Variants in FOXRED1 observed in about 807,000 individuals in gnomAD.
FOXRED1 encodes FAD dependent oxidoreductase domain containing 1.
FOXRED1 carries 52 observed loss-of-function variants against 57.8 expected under a neutral mutation model. The ratio of observed to expected loss-of-function variants is 0.90; its 90% CI spans 0.72 to 1.13. FOXRED1 has a LOEUF of 1.13. Among genes scored for constraint, FOXRED1 ranks in the 50% most tolerant of loss-of-function variants. FOXRED1 has a pLI of 0.00. For synonymous variants in FOXRED1, 271 were observed against 248.3 expected, an observed-to-expected ratio of 1.09 and a Z score of -0.86; for missense variants, 589 against 625.2, an observed-to-expected ratio of 0.94 and a Z score of 0.62.
chr11:126,271,416 G>T lies in FOXRED1; in HGVS notation c.86-21G>T. On this transcript the variant is annotated intron_variant, in intron 1 of 10. Transcript: ENST00000263578. This position sits in a 1 kb window ranked among gnomAD's most constrained non-coding sequence, Gnocchi z 5.3. ...GTGGGAAGGAAATGTTTGGCCCTCT[G>T]ACCCTAACTACATCCCACAGACTGG... is the stretch of plus-strand genomic sequence containing the variant. 1.3e-6 allele frequency: 2 copies of T among 1,582,604 alleles called. No homozygotes were observed. The highest frequency in any genetic ancestry group is 2.2e-5 in the South Asian group (2 of 90,342).
At position 126,275,380 on chromosome 11, in the gene FOXRED1, C is replaced by T. The variant is rs965900698; in HGVS notation, c.685C>T (p.Arg229Ter). The T allele has an allele frequency of 6.8e-6, 11 of 1,613,788 alleles. No homozygotes were observed. The highest frequency in any genetic ancestry group is 4.5e-5 in the East Asian group (2 of 44,884). The stretch of plus-strand genomic sequence containing the variant: ...CTGGTGTCTGCTCCAGGGGCTTCGG[C>T]GAAAGGTCCAGTCCTTGGGAGTCCT... ...DPWCLLQGLR[R>*]KVQSLGVLFC... Residue 229 changes from arginine to a stop codon, truncating the protein, a stop_gained, in exon 6 of 11, where the codon CGA (arginine) becomes TGA (stop). Coordinates refer to ENST00000263578, the MANE Select transcript of FOXRED1 (RefSeq NM_017547.4). LOFTEE classifies it high-confidence loss of function. This position sits in a 1 kb window ranked among gnomAD's most constrained non-coding sequence, Gnocchi z 5.9.
Position 126,275,942 on chromosome 11 carries a change from G to C in FOXRED1, c.810+72G>C. The C allele has an allele frequency of 1.3e-6, 2 of 1,567,318 alleles. No individual in the cohort carries two copies. Among genetic ancestry groups the C allele is most frequent in the South Asian group, 2.2e-5 (2 of 90,054 alleles). On this transcript the variant is annotated intron_variant, in intron 7 of 10. Transcript: ENST00000263578. The surrounding 1 kb of genome is among the most constrained non-coding windows in gnomAD (Gnocchi z 5.9). ...GAAGGTAGTGACTCTCCTTGTTTTG[G>C]TTTTCTTTGACCCACTTTCCAGTAT...
Position 126,276,203 on chromosome 11 carries a change from G to A in FOXRED1, c.955G>A (p.Val319Met), listed in dbSNP as rs769876098. 3.2e-6 allele frequency: 5 copies of A among 1,578,380 alleles called. No homozygotes were observed. Among genetic ancestry groups the A allele is most frequent in the African/African-American group, 3.0e-5 (2 of 67,570 alleles). Residue 319 changes from valine (V) to methionine (M), a missense_variant, in exon 8 of 11, where the codon GTG becomes ATG. By Grantham distance (21) the Val-to-Met change is conservative. Coordinates refer to ENST00000263578, the MANE Select transcript of FOXRED1 (RefSeq NM_017547.4). The stretch of plus-strand genomic sequence containing the variant: ...CACCCTGCAGGGCACCAAGCTACCT[G>A]TGGAGCCGAGGAAAAGGTAACTGCC... ...PGTLQGTKLP[V>M]EPRKRYVYVW...
intron 1 of FOXRED1, chr11:126,269,538 C>A: frequency 5.7e-6 from 4 of 698,300 alleles, no homozygotes; most frequent in South Asian, 4.8e-5. Flanking sequence ...GATTGATAAT[C>A]GGTGGCACAG....
intron 9 of FOXRED1, 193 bp from the exon 10 acceptor site, chr11:126,276,878 A>G (rs1465956419): frequency 1.3e-5 from 5 of 377,914 alleles, no homozygotes; most frequent in Non-Finnish European, 2.4e-5. Flanking sequence ...CTCCATCTCA[A>G]AAAAAAAAAA....
rs186530916 is a variant in FOXRED1 at position 126,269,360 on chromosome 11, A to G, written c.85+69A>G. The stretch of plus-strand genomic sequence containing the variant: ...CCCAACCTCCGACTGTGTGTCCTTC[A>G]GGACCCGAAACCATGGCCCACACTG... On this transcript the variant is annotated intron_variant, in intron 1 of 10. Transcript: ENST00000263578. 4.4e-4 allele frequency: 717 copies of G among 1,612,564 alleles called. 2 individuals are homozygous for G. In the African/African-American group the frequency reaches 8.8e-3, roughly 20 times the overall value.
rs369712457 is a variant in FOXRED1, at chr11:126,273,494, A to G, written c.536+40A>G. 1.1e-4 allele frequency: 151 copies of G among 1,372,982 alleles called. No homozygotes were observed. The highest frequency in any genetic ancestry group is 1.4e-4 in the Non-Finnish European group (137 of 960,734). 85.0% of individuals were successfully genotyped at this position (1,372,982 alleles called of 1,614,324 possible). On this transcript the variant is annotated intron_variant, in intron 4 of 10. Transcript: ENST00000263578. This position sits in a 1 kb window ranked among gnomAD's most constrained non-coding sequence, Gnocchi z 5.9. The stretch of plus-strand genomic sequence containing the variant: ...CAGCCTCTTAGCTGCTTGGCAGCCA[A>G]AGGTGTTGGGTGACTCCTGCACCAG...
chr11:126,278,047 T>G lies in FOXRED1; in HGVS notation c.*358T>G, dbSNP rs1951205732. On this transcript the variant is annotated 3_prime_UTR_variant, in exon 11 of 11. Transcript: ENST00000263578. The surrounding 1 kb of genome is among the most constrained non-coding windows in gnomAD (Gnocchi z 4.8). Reference sequence around the variant, plus strand: ...AGACAGAGCCCAGGCATGGGAGCACTCTGGGGCAGCCTGGCTCAGGTTTAT... The same window carrying G: ...AGACAGAGCCCAGGCATGGGAGCACGCTGGGGCAGCCTGGCTCAGGTTTAT... 1 of 521,384 alleles carries G rather than the reference T, an allele frequency of 1.9e-6. No individual in the cohort carries two copies. Among genetic ancestry groups the G allele is most frequent in the African/African-American group, 1.9e-5 (1 of 52,736 alleles). 32.3% of individuals were successfully genotyped at this position (521,384 alleles called of 1,614,324 possible). A position where few individuals can be genotyped will look rare whatever the true frequency, so the allele number is the denominator to read the frequency against.
Position 126,273,629 on chromosome 11 carries a change from C to A in FOXRED1, c.536+175C>A. ...GCAATGCCCTGGGAGTGCTGTACCA[C>A]AGATATGGACAAAACACTGCGAGGT... is the stretch of plus-strand genomic sequence containing the variant. On this transcript the variant is annotated intron_variant, in intron 4 of 10. Transcript: ENST00000263578. The surrounding 1 kb of genome is among the most constrained non-coding windows in gnomAD (Gnocchi z 5.9). The A allele has an allele frequency of 1.5e-6, 1 of 660,154 alleles. No individual in the cohort carries two copies. Among genetic ancestry groups the A allele is most frequent in the Non-Finnish European group, 2.8e-6 (1 of 359,694 alleles). 40.9% of individuals were successfully genotyped at this position (660,154 alleles called of 1,614,324 possible). A position where few individuals can be genotyped will look rare whatever the true frequency, so the allele number is the denominator to read the frequency against.
chr11:126,276,066 T>C lies in FOXRED1; in HGVS notation c.818T>C (p.Met273Thr), dbSNP rs1258921079. ...ACCCTCTGGTGTCTGCAGGTGAAGA[T>C]GGACCGCAGCCTGGAGTACCAGCCT... The part of the protein sequence containing the change: ...LKRIHEVHVK[M>T]DRSLEYQPVE... Residue 273 changes from methionine (M) to threonine (T), a missense_variant, in exon 8 of 11, where the codon ATG becomes ACG. Coordinates refer to ENST00000263578, the MANE Select transcript of FOXRED1 (RefSeq NM_017547.4). 1 of 1,612,696 alleles carries C rather than the reference T, an allele frequency of 6.2e-7. No homozygotes were observed. Among genetic ancestry groups the C allele is most frequent in the East Asian group, 2.2e-5 (1 of 44,802 alleles).
chr11:126,277,373 G>T lies in FOXRED1; in HGVS notation c.1207-62G>T. On this transcript the variant is annotated intron_variant, in intron 10 of 10. Coordinates refer to ENST00000263578, the MANE Select transcript of FOXRED1 (RefSeq NM_017547.4). The surrounding 1 kb of genome is among the most constrained non-coding windows in gnomAD (Gnocchi z 6.8). ...GGGTACTCTGTGCTGAGCCCTGAGG[G>T]GAGTGAGGATGGAGTGTGGCTACAG... is the stretch of plus-strand genomic sequence containing the variant. The T allele has an allele frequency of 6.3e-7, 1 of 1,593,618 alleles. No homozygotes were observed. Among genetic ancestry groups the T allele is most frequent in the Non-Finnish European group, 8.6e-7 (1 of 1,163,018 alleles).
Position 126,275,807 on chromosome 11 carries a change from A to G in FOXRED1, c.747A>G (p.Ser249=), listed in dbSNP as rs1170715348. ...TCTTCTCTGCAGGTTTTGTCTCTTC[A>G]TCTCAACGCATGTTGACCACAGATG... ...CQGEVTRFVS[S]SQRMLTTDDK... The change falls in exon 7 of 11, where the codon TCA becomes TCG. Residue 249 remains serine (S), a synonymous_variant. Transcript: ENST00000263578. This position sits in a 1 kb window ranked among gnomAD's most constrained non-coding sequence, Gnocchi z 5.9. 10 of 1,611,492 alleles carry G rather than the reference A, an allele frequency of 6.2e-6. No homozygotes were observed. Among genetic ancestry groups the G allele is most frequent in the East Asian group, 2.2e-5 (1 of 44,876 alleles).
In FOXRED1 at chr11:126,271,378, AC is replaced by A. The variant is rs551718263; in HGVS notation, c.86-53del. On this transcript the variant is annotated intron_variant, in intron 1 of 10. Coordinates refer to ENST00000263578, the MANE Select transcript of FOXRED1 (RefSeq NM_017547.4). The surrounding 1 kb of genome is among the most constrained non-coding windows in gnomAD (Gnocchi z 5.3). ...CACCTTTTCCTGTGCCCATCCTCCA[AC>A]CCCCCAACCATGTGGGAAGGAAATG... is the stretch of plus-strand genomic sequence containing the variant. 6.2e-6 allele frequency: 8 copies of A among 1,299,148 alleles called. No homozygotes were observed. Among genetic ancestry groups the A allele is most frequent in the Non-Finnish European group, 7.8e-6 (7 of 893,372 alleles). 80.5% of individuals were successfully genotyped at this position (1,299,148 alleles called of 1,614,324 possible). A position where few individuals can be genotyped will look rare whatever the true frequency, so the allele number is the denominator to read the frequency against.
chr11:126,275,376 T>A lies in FOXRED1; in HGVS notation c.681T>A (p.Leu227=). ...ACCCCTGGTGTCTGCTCCAGGGGCTTCGGCGAAAGGTCCAGTCCTTGGGAG... is the reference window on the plus strand; with the variant it reads ...ACCCCTGGTGTCTGCTCCAGGGGCTACGGCGAAAGGTCCAGTCCTTGGGAG... ...WFDPWCLLQG[L]RRKVQSLGVL... is the part of the protein sequence containing the mutation. Residue 227 remains leucine, a synonymous_variant, in exon 6 of 11, where the codon CTT becomes CTA. Transcript: ENST00000263578. This position sits in a 1 kb window ranked among gnomAD's most constrained non-coding sequence, Gnocchi z 5.9. 6.2e-7 allele frequency: 1 copy of A among 1,614,078 alleles called. No homozygotes were observed. Among genetic ancestry groups the A allele is most frequent in the South Asian group, 1.1e-5 (1 of 91,076 alleles).
chr11:126,277,102 T>G lies in FOXRED1; in HGVS notation c.1133T>G (p.Val378Gly), dbSNP rs761774215. 16 of 1,613,562 alleles carry G rather than the reference T, an allele frequency of 9.9e-6. No individual in the cohort carries two copies. Among genetic ancestry groups the G allele is most frequent in the Non-Finnish European group, 1.4e-5 (16 of 1,179,822 alleles). Residue 378 changes from valine (V) to glycine (G), a missense_variant, in exon 10 of 11, where the codon GTG becomes GGG. By Grantham distance (109) the Val-to-Gly change is moderately radical. Coordinates refer to ENST00000263578, the MANE Select transcript of FOXRED1 (RefSeq NM_017547.4). This position sits in a 1 kb window ranked among gnomAD's most constrained non-coding sequence, Gnocchi z 6.8. ...GAACCGGACCCGGCGAACCTGGAAGTGGACCATGATTTCTTCCAGGACAAG... is the reference window on the plus strand; with the variant it reads ...GAACCGGACCCGGCGAACCTGGAAGGGGACCATGATTTCTTCCAGGACAAG... ...QEEPDPANLE[V>G]DHDFFQDKVW...
chr11:126,272,922 A>G lies in FOXRED1; in HGVS notation c.307-47A>G. On this transcript the variant is annotated intron_variant, in intron 2 of 10. Transcript: ENST00000263578. The surrounding 1 kb of genome is among the most constrained non-coding windows in gnomAD (Gnocchi z 4.6). ...GCTTTCATTGCAGTATTCTAGTCAC[A>G]TGTGATAGGGTACTGGTCTACCTCA... The G allele has an allele frequency of 2.2e-6, 2 of 909,468 alleles. No individual in the cohort carries two copies. Among genetic ancestry groups the G allele is most frequent in the South Asian group, 1.3e-5 (1 of 77,174 alleles). 56.3% of individuals were successfully genotyped at this position (909,468 alleles called of 1,614,324 possible).
chr11:126,276,502 A>C lies in FOXRED1; in HGVS notation c.1080A>C (p.Leu360=), dbSNP rs1565357061. ...FRREGLGSNY[L]GGRSPTEQEE... ...GGGAAGGATTAGGTAGCAACTACCT[A>C]GGTGGTCGTAGCCCCACTGAGGTAA... The change falls in exon 9 of 11, where the codon CTA becomes CTC. Residue 360 remains leucine (L), a synonymous_variant. Coordinates refer to ENST00000263578, the MANE Select transcript of FOXRED1 (RefSeq NM_017547.4). The C allele has an allele frequency of 1.9e-6, 3 of 1,607,602 alleles. No homozygotes were observed. Among genetic ancestry groups the C allele is most frequent in the Non-Finnish European group, 1.7e-6 (2 of 1,176,762 alleles).
chr11:126,269,496 C>T (rs1950913826), intron 1 of FOXRED1: 6 of 838,234 alleles, frequency 7.2e-6, no homozygotes, highest in Non-Finnish European at 9.8e-6. Flanking sequence ...GCAGGTCTCA[C>T]ATCATTCTCC....
chr11:126,277,537 T>C lies in FOXRED1; in HGVS notation c.1309T>C (p.Phe437Leu). The change falls in exon 11 of 11, where the codon TTC becomes CTC. Residue 437 changes from phenylalanine (F) to leucine (L), a missense_variant. Physicochemically the swap from Phe to Leu is conservative, Grantham distance 22. Coordinates refer to ENST00000263578, the MANE Select transcript of FOXRED1 (RefSeq NM_017547.4). The surrounding 1 kb of genome is among the most constrained non-coding windows in gnomAD (Gnocchi z 6.8). ...LVVNMYFATG[F>L]SGHGLQQAPG... ...TGTCAACATGTACTTTGCTACTGGCTTCAGTGGTCACGGGCTCCAGCAGGC... is the reference window on the plus strand; with the variant it reads ...TGTCAACATGTACTTTGCTACTGGCCTCAGTGGTCACGGGCTCCAGCAGGC... The C allele has an allele frequency of 6.2e-7, 1 of 1,613,738 alleles. No individual in the cohort carries two copies. Among genetic ancestry groups the C allele is most frequent in the Non-Finnish European group, 8.5e-7 (1 of 1,180,014 alleles).
Sources: allele counts gnomAD v4.1 joint callset, GRCh38; gene constraint gnomAD v4.1.1; non-coding constraint Gnocchi (gnomAD v3.1); transcripts MANE v1.5; gene names NCBI Gene and HGNC (gene_info 2026-07-23, HGNC 2026-07-21).